The following WDR24 variants were observed in gnomAD, a reference collection of about 807,000 sequenced individuals.
WDR24 encodes GATOR2 complex protein WDR24.
In WDR24, 32 loss-of-function variants were observed where a neutral mutation model predicts 66.7. The observed-to-expected ratio is 0.48, with a 90% CI of 0.36 to 0.64. WDR24 has a LOEUF of 0.64. Ranked by LOEUF, WDR24 falls within the 30% of genes least tolerant of loss-of-function variation. The probability of loss-of-function intolerance (pLI) is 0.00; values close to 1 mark genes in which losing one functional copy is unlikely to be tolerated. For synonymous variants in WDR24, 565 were observed against 469.1 expected (o/e 1.20, Z -2.64); for missense variants, 978 against 1,144.1 (o/e 0.85, Z 2.09).
chr16:688,882 G>T, intron 1 of WDR24: 1 of 476,536 alleles, frequency 2.1e-6, no homozygotes, highest in Non-Finnish European at 3.8e-6. Context: ...ACCCAGGCTG[G>T]CTGGGAGACC....
chr16:686,672 G>A (rs2039911127), intron 3 of WDR24, 72 bp downstream of exon 3: 11 of 1,501,758 alleles, frequency 7.3e-6, no homozygotes, highest in Non-Finnish European at 8.9e-6. Context: ...TGGGGTGAGC[G>A]CAGCTGACGG....
Position 687,214 on chromosome 16 carries a change from C to A in WDR24, c.862G>T (p.Val288Leu). The change falls in exon 3 of 9, where the codon GTG becomes TTG. Residue 288 changes from valine (V) to leucine (L), a missense_variant. Physicochemically the swap from Val to Leu is conservative, Grantham distance 32 (BLOSUM62 1). Around this residue, in one of 2 missense-constraint regions of WDR24, gnomAD observed 302 missense variants for 526.6 expected, o/e 0.57. Coordinates refer to ENST00000293883, the MANE Select transcript of WDR24 (RefSeq NM_032259.4). ...IYVWDVRRPF[V>L]PAAMFEEHRD... ...TGTTCCTCAAACATGGCAGCTGGCA[C>A]GAAGGGCCGGCGCACGTCCCAAACA... is the stretch of plus-strand genomic sequence containing the variant. 1 of 1,612,566 alleles carries A rather than the reference C, an allele frequency of 6.2e-7. No homozygotes were observed. The highest frequency in any genetic ancestry group is 8.5e-7 in the Non-Finnish European group (1 of 1,179,972).
intron 1 of WDR24, among the ~76,000 whole-genome samples, chr16:688,828 T>C (rs1182789323): frequency 1.3e-5 from 2 of 152,216 alleles, no homozygotes; most frequent in East Asian, 3.9e-4. Context: ...GCAGCCTCTG[T>C]AGCTCCGACA....
chr16:686,148 G>A lies in WDR24; in HGVS notation c.1371C>T (p.Cys457=), dbSNP rs139546862. ...TTGCAGTGGGCACTAGGCCAGGGCT[G>A]CAGTAGATGATCCGCAGCATGGTCC... ...QTWTMLRIIY[C]SPGLVPTANL... Residue 457 remains cysteine, a synonymous_variant, in exon 4 of 9, where the codon TGC becomes TGT. Coordinates refer to ENST00000293883, the MANE Select transcript of WDR24 (RefSeq NM_032259.4). 152 of 1,612,924 alleles carry A rather than the reference G, an allele frequency of 9.4e-5. No homozygotes were observed. Among genetic ancestry groups the A allele is most frequent in the Admixed American group, 2.8e-4 (17 of 59,978 alleles).
chr16:687,558 A>T lies in WDR24; in HGVS notation c.659+4T>A. On this transcript the variant is annotated splice_donor_region_variant and intron_variant, in intron 2 of 8. Transcript: ENST00000293883. ...CCTACTGCCCCTGCACCCCCATGCC[A>T]CACCTGTCCTCGGGGTGCCAGTCGC... The T allele has an allele frequency of 6.2e-7, 1 of 1,611,736 alleles. No homozygotes were observed. The highest frequency in any genetic ancestry group is 8.5e-7 in the Non-Finnish European group (1 of 1,179,256).
At position 684,705 on chromosome 16, in the gene WDR24, C is replaced by A. The variant is rs760421904; in HGVS notation, c.*29G>T. 1 of 1,553,240 alleles carries A rather than the reference C, an allele frequency of 6.4e-7. No homozygotes were observed. Among genetic ancestry groups the A allele is most frequent in the Non-Finnish European group, 8.7e-7 (1 of 1,150,312 alleles). ...AGACCAGGCGGGGTTCTGCACGCGG[C>A]CGCCCGGGCAAGCCCAGCAGATGCC... On this transcript the variant is annotated 3_prime_UTR_variant, in exon 9 of 9. Coordinates refer to ENST00000293883, the MANE Select transcript of WDR24 (RefSeq NM_032259.4).
intron 1 of WDR24, among the ~76,000 whole-genome samples, chr16:688,281 G>C (rs1431875459): frequency 6.6e-6 from 1 of 152,164 alleles, no homozygotes; most frequent in African/African-American, 2.4e-5. Flanking sequence ...CCCTGCAGGG[G>C]AGGCAGCTCA....
intron 3 of WDR24, 23 bp downstream of exon 3, chr16:686,721 C>T (rs1381345451): frequency 6.4e-7 from 1 of 1,566,884 alleles, no homozygotes; most frequent in South Asian, 1.2e-5. Context: ...GCCCAGGGAC[C>T]CCCAGGCTCA....
chr16:689,835 C>A lies in WDR24; in HGVS notation c.-195G>T. 1 of 884,594 alleles carries A rather than the reference C, an allele frequency of 1.1e-6. No individual in the cohort carries two copies. The highest frequency in any genetic ancestry group is 1.8e-6 in the Non-Finnish European group (1 of 556,374). 54.8% of individuals were successfully genotyped at this position (884,594 alleles called of 1,614,324 possible). A position where few individuals can be genotyped will look rare whatever the true frequency, so the allele number is the denominator to read the frequency against. On this transcript the variant is annotated 5_prime_UTR_variant, in exon 1 of 9. An upstream open reading frame in the 5' UTR loses its in-frame stop. Coordinates refer to ENST00000293883, the MANE Select transcript of WDR24 (RefSeq NM_032259.4). ...TCAGCCTGACAGGCAAGCTCAAATTCACTGGAGTCTGTCAGTCCAGCCCAT... is the reference window on the plus strand; with the variant it reads ...TCAGCCTGACAGGCAAGCTCAAATTAACTGGAGTCTGTCAGTCCAGCCCAT...
Position 684,680 on chromosome 16 carries a change from AGACCAGGC to A in WDR24, c.*46_*53del. The A allele has an allele frequency of 1.3e-6, 2 of 1,508,970 alleles. No individual in the cohort carries two copies. Among genetic ancestry groups the A allele is most frequent in the Non-Finnish European group, 1.8e-6 (2 of 1,130,562 alleles). The allele number at this position is 1,508,970 out of a possible 1,614,324, so 93.5% of individuals were successfully genotyped here. A position where few individuals can be genotyped will look rare whatever the true frequency, so the allele number is the denominator to read the frequency against. ...CCAGCCTCCGCCCGTCTCGGGCACAAGACCAGGCGGGGTTCTGCACGCGGCCGCCCGGG... is the reference window on the plus strand; with the variant it reads ...CCAGCCTCCGCCCGTCTCGGGCACAAGGGGTTCTGCACGCGGCCGCCCGGG... On this transcript the variant is annotated 3_prime_UTR_variant, in exon 9 of 9. Coordinates refer to ENST00000293883, the MANE Select transcript of WDR24 (RefSeq NM_032259.4).
Position 689,306 on chromosome 16 carries a change from T to A in WDR24, c.335A>T (p.Gln112Leu). The change falls in exon 1 of 9, where the codon CAG becomes CTG. Residue 112 changes from glutamine to leucine, a missense_variant. Physicochemically the swap from Gln to Leu is moderately radical, Grantham distance 113 (BLOSUM62 -2). Around this residue, in one of 2 missense-constraint regions of WDR24, gnomAD observed 302 missense variants for 526.6 expected, o/e 0.57. Transcript: ENST00000293883. ...WNLGRPSRNK[Q>L]DQLFTEHKRT... is the part of the protein sequence containing the mutation. ...CTTGTGTTCTGTGAACAGCTGGTCC[T>A]GCTTGTTGCGGGATGGCCGGCCCAG... is the stretch of plus-strand genomic sequence containing the variant. 1 of 1,613,922 alleles carries A rather than the reference T, an allele frequency of 6.2e-7. No homozygotes were observed. The highest frequency in any genetic ancestry group is 8.5e-7 in the Non-Finnish European group (1 of 1,180,022).
chr16:689,114 A>G (rs747272383), intron 1 of WDR24, 46 bp downstream of exon 1: 1 of 1,600,254 alleles, frequency 6.2e-7, no homozygotes, highest in Admixed American at 1.7e-5. Flanking sequence ...CAGGCTGGGC[A>G]CCGGCAGAGA....
chr16:685,256 C>G lies in WDR24; in HGVS notation c.2019+1G>C. On this transcript the variant is annotated splice_donor_variant, in intron 7 of 8. Coordinates refer to ENST00000293883, the MANE Select transcript of WDR24 (RefSeq NM_032259.4). LOFTEE classifies it high-confidence loss of function. ...GGGGGGAGGCCCCGCCCACCACACA[C>G]CTGGGTCTGCTCGTCGATGTCCTTG... 6.3e-7 allele frequency: 1 copy of G among 1,594,042 alleles called. No individual in the cohort carries two copies.
chr16:687,322 C>T lies in WDR24; in HGVS notation c.754G>A (p.Ala252Thr), dbSNP rs145838196. The change falls in exon 3 of 9, where the codon GCC (alanine) becomes ACC (threonine). Residue 252 changes from alanine (A) to threonine (T), a missense_variant. Coordinates refer to ENST00000293883, the MANE Select transcript of WDR24 (RefSeq NM_032259.4). Reference sequence around the variant, plus strand: ...CGCCACTTCACACGGGCCACCGAGGCGATGGTCTGCACACAGTGCATCTCC... The same window carrying T: ...CGCCACTTCACACGGGCCACCGAGGTGATGGTCTGCACACAGTGCATCTCC... ...AKEMHCVQTI[A>T]SVARVKWRPE... 4.3e-6 allele frequency: 7 copies of T among 1,610,882 alleles called. No homozygotes were observed. Among genetic ancestry groups the T allele is most frequent in the African/African-American group, 1.3e-5 (1 of 74,932 alleles).
Position 689,290 on chromosome 16 carries a change from T to C in WDR24, c.351A>G (p.Thr117=). The part of the protein sequence containing the change: ...PSRNKQDQLF[T]EHKRTVNKVC... Reference sequence around the variant, plus strand: ...CTTTGTTTACCGTGCGCTTGTGTTCTGTGAACAGCTGGTCCTGCTTGTTGC... The same window carrying C: ...CTTTGTTTACCGTGCGCTTGTGTTCCGTGAACAGCTGGTCCTGCTTGTTGC... The change falls in exon 1 of 9, where the codon ACA becomes ACG. Residue 117 remains threonine (T), a synonymous_variant. Coordinates refer to ENST00000293883, the MANE Select transcript of WDR24 (RefSeq NM_032259.4). The C allele has an allele frequency of 6.2e-7, 1 of 1,613,946 alleles. No homozygotes were observed. Among genetic ancestry groups the C allele is most frequent in the East Asian group, 2.2e-5 (1 of 44,882 alleles).
intron 1 of WDR24, 165 bp downstream of exon 1, chr16:688,995 C>T (rs909537934): frequency 5.2e-5 from 60 of 1,146,500 alleles, no homozygotes; most frequent in Non-Finnish European, 6.7e-5. Context: ...TGCCGTCCAG[C>T]CCAACTTGCC....
In WDR24 at chr16:686,714, C is replaced by T. The variant is rs1402638901; in HGVS notation, c.1332+30G>A. On this transcript the variant is annotated intron_variant, in intron 3 of 8. Coordinates refer to ENST00000293883, the MANE Select transcript of WDR24 (RefSeq NM_032259.4). ...CAGCCCCTGCCCTGAGGTCGTGGCC[C>T]AGGGACCCCCAGGCTCAGCACCTAC... The T allele has an allele frequency of 6.4e-6, 10 of 1,558,520 alleles. No individual in the cohort carries two copies. In the East Asian group the frequency reaches 2.0e-4, roughly 32 times the overall value.
rs1011724761 is a variant in WDR24, at chr16:690,281, G to A, written c.-641C>T. On this transcript the variant is annotated 5_prime_UTR_variant, in exon 1 of 9. Coordinates refer to ENST00000293883, the MANE Select transcript of WDR24 (RefSeq NM_032259.4). ...GTTCCTGGGAGCGGCGCAGTGGCGCGGGGGAGCGGACGCTGCGGGACGAGA... is the reference window on the plus strand; with the variant it reads ...GTTCCTGGGAGCGGCGCAGTGGCGCAGGGGAGCGGACGCTGCGGGACGAGA... The A allele has an allele frequency of 1.1e-5, 5 of 439,144 alleles. No homozygotes were observed. The highest frequency in any genetic ancestry group is 1.8e-5 in the Non-Finnish European group (4 of 217,712). 27.2% of individuals were successfully genotyped at this position (439,144 alleles called of 1,614,324 possible). A position where few individuals can be genotyped will look rare whatever the true frequency, so the allele number is the denominator to read the frequency against.
chr16:689,093 G>A (rs756874834), intron 1 of WDR24, 67 bp downstream of exon 1: 23 of 1,582,238 alleles, frequency 1.5e-5, no homozygotes, highest in Middle Eastern at 1.7e-4. Context: ...GCCCTTTTCC[G>A]CCTGCATGGA....
Sources: allele counts gnomAD v4.1 joint callset (sites outside exome capture counted in the v4.1 genomes callset), GRCh38; gene constraint gnomAD v4.1.1; regional missense constraint gnomAD v4.1.1; transcripts MANE v1.5; gene names NCBI Gene and HGNC (gene_info 2026-07-23, HGNC 2026-07-21).